Variants in KCNN3 observed in about 807,000 individuals in gnomAD.
KCNN3 encodes the protein potassium calcium-activated channel subfamily N member 3, also known as small conductance calcium-activated potassium channel protein 3.
A neutral mutation model predicts 62.9 loss-of-function variants in KCNN3; 16 were observed. That is an observed-to-expected ratio of 0.25 (90% CI 0.17 to 0.39). The LOEUF (loss-of-function observed/expected upper bound fraction) is 0.39. KCNN3 is among the 10% of genes least tolerant of loss of function. The pLI is 1.00. For missense variants in KCNN3, 599 were observed against 949.4 expected (o/e 0.63, Z 4.85); for synonymous variants, 370 against 389.2 (o/e 0.95, Z 0.58).
chr1:154,810,329 G>C (rs1458993326), intron 2 of KCNN3, among the ~76,000 whole-genome samples: 1 of 152,188 alleles, frequency 6.6e-6, no homozygotes, highest in African/African-American at 2.4e-5. Flanking sequence ...AGGGCCTGGG[G>C]ACTATCAGGG....
intron 2 of KCNN3, among the ~76,000 whole-genome samples, chr1:154,796,395 G>A (rs185776950): frequency 9.9e-5 from 15 of 152,234 alleles, no homozygotes; most frequent in African/African-American, 2.9e-4. Context: ...TCTCCCACCC[G>A]TCTGGGAAGA....
intron 2 of KCNN3, among the ~76,000 whole-genome samples, chr1:154,821,559 C>T (rs1207178058): frequency 6.6e-6 from 1 of 152,214 alleles, no homozygotes; most frequent in Non-Finnish European, 1.5e-5. Flanking sequence ...CCTTCTCGGC[C>T]ACAGCAGACT....
chr1:154,848,538 G>C (rs190203872), intron 1 of KCNN3, among the ~76,000 whole-genome samples: 48 of 152,238 alleles, frequency 3.2e-4, no homozygotes, highest in African/African-American at 1.1e-3. Flanking sequence ...CATCAGCCTA[G>C]TTCGTGAAGC....
At chr1:154,770,098 C>T (rs1465526902) in intron 3 of KCNN3, among the ~76,000 whole-genome samples, 1 of 152,124 alleles carries the variant, frequency 6.6e-6, no homozygotes, top group South Asian at 2.1e-4. Flanking sequence ...GTCTGCTTAC[C>T]AGAGAAGGCT....
At chr1:154,800,124 T>A (rs564260045) in intron 2 of KCNN3, among the ~76,000 whole-genome samples, 4 of 152,322 alleles carry the variant, frequency 2.6e-5, no homozygotes, top group Admixed American at 2.0e-4. Context: ...AAAGTCATCA[T>A]TGTCATTGTG....
In KCNN3 at chr1:154,707,024, G is replaced by A. The variant is rs555099535; in HGVS notation, c.*952C>T. 1 of 152,340 alleles carries A rather than the reference G, an allele frequency of 6.6e-6. No homozygotes were observed. Among genetic ancestry groups the A allele is most frequent in the Admixed American group, 6.5e-5 (1 of 15,308 alleles). 9.4% of individuals were successfully genotyped at this position (152,340 alleles called of 1,614,324 possible). On this transcript the variant is annotated 3_prime_UTR_variant, in exon 8 of 8. Coordinates refer to ENST00000271915, the MANE Select transcript of KCNN3 (RefSeq NM_002249.6). ...GGAAGAAGAAAACTCTGCAGATGCT[G>A]TTATTTTTAGAAGCCTGCTTATCCC... is the stretch of plus-strand genomic sequence containing the variant.
intron 6 of KCNN3, among the ~76,000 whole-genome samples, chr1:154,714,332 G>GTGTGTGTT (rs1700169297): frequency 1.7e-5 from 1 of 60,142 alleles, no homozygotes; most frequent in Non-Finnish European, 3.3e-5. Context: ...GTGTGTGTGT[G>GTGTGTGTT]GTGTTTGTGT....
chr1:154,718,886 T>C (rs1202817548), intron 5 of KCNN3, among the ~76,000 whole-genome samples: 1 of 152,202 alleles, frequency 6.6e-6, no homozygotes, highest in African/African-American at 2.4e-5. Context: ...CCTTTGTTAA[T>C]ATTCTCTCCT....
At chr1:154,840,774 C>T (rs1460085661) in intron 1 of KCNN3, among the ~76,000 whole-genome samples, 1 of 152,252 alleles carries the variant, frequency 6.6e-6, no homozygotes, top group Non-Finnish European at 1.5e-5. Flanking sequence ...CTCACAGCCT[C>T]TGCTCAGGTT....
intron 1 of KCNN3, among the ~76,000 whole-genome samples, chr1:154,826,375 G>C (rs1651132359): frequency 6.6e-6 from 1 of 152,150 alleles, no homozygotes; most frequent in South Asian, 2.1e-4. Context: ...CACATCTATA[G>C]GGGCCTACCA....
At position 154,848,382 on chromosome 1, in the gene KCNN3, A is replaced by T. The variant is rs113489901; in HGVS notation, c.933+20650T>A. Among the ~76,000 whole-genome samples the T allele has an allele frequency of 2.0e-3, 301 of 151,834 alleles. 2 individuals carry two copies. The highest frequency in any genetic ancestry group is 7.0e-3 in the African/African-American group (289 of 41,384). ...TGCCCCGAGCTGGGTTCAAGCCTTCATTCCTCCTTTTCACAACTATCGCAG... is the reference window on the plus strand; with the variant it reads ...TGCCCCGAGCTGGGTTCAAGCCTTCTTTCCTCCTTTTCACAACTATCGCAG... On this transcript the variant is annotated intron_variant, in intron 1 of 7. Coordinates refer to ENST00000271915, the MANE Select transcript of KCNN3 (RefSeq NM_002249.6).
At position 154,698,279 on chromosome 1, in the gene KCNN3, C is replaced by G. The variant is rs1571186887; in HGVS notation, c.*9697G>C. ...ACAGGGTTTTCAACTTGGGGAAATT[C>G]ATTTCCCATCCCCTGGCTGCCAAGC... On this transcript the variant is annotated 3_prime_UTR_variant, in exon 8 of 8. Transcript: ENST00000271915. 1 of 152,142 alleles carries G rather than the reference C, an allele frequency of 6.6e-6. No individual in the cohort carries two copies. The highest frequency in any genetic ancestry group is 6.5e-5 in the Admixed American group (1 of 15,278). 9.4% of individuals were successfully genotyped at this position (152,142 alleles called of 1,614,324 possible). A position where few individuals can be genotyped will look rare whatever the true frequency, so the allele number is the denominator to read the frequency against.
intron 2 of KCNN3, among the ~76,000 whole-genome samples, chr1:154,790,028 C>A (rs975176803): frequency 6.6e-6 from 1 of 152,224 alleles, no homozygotes; most frequent in Non-Finnish European, 1.5e-5. Context: ...CCTGCCTCAG[C>A]TTCCCAAGTG....
chr1:154,800,932 C>G lies in KCNN3; in HGVS notation c.1029+21157G>C, dbSNP rs138120978. On this transcript the variant is annotated intron_variant, in intron 2 of 7. Coordinates refer to ENST00000271915, the MANE Select transcript of KCNN3 (RefSeq NM_002249.6). Reference sequence around the variant, plus strand: ...TGATTGTGCGCGCCTGTAGTCCCAGCTGCTTGGGAAGCTGAAGTCGGAAGA... The same window carrying G: ...TGATTGTGCGCGCCTGTAGTCCCAGGTGCTTGGGAAGCTGAAGTCGGAAGA... Among the ~76,000 whole-genome samples, 1,287 of 152,284 alleles carry G rather than the reference C, an allele frequency of 8.5e-3. 11 individuals are homozygous for G. Among genetic ancestry groups the G allele is most frequent in the African/African-American group, 0.03 (1,240 of 41,564 alleles).
At chr1:154,765,488 AC>A (rs1427601890) in intron 3 of KCNN3, among the ~76,000 whole-genome samples, 1 of 152,118 alleles carries the variant, frequency 6.6e-6, no homozygotes, top group Non-Finnish European at 1.5e-5. Flanking sequence ...TTTTGCTAAA[AC>A]AATTTTAGTT....
intron 1 of KCNN3, among the ~76,000 whole-genome samples, chr1:154,849,309 T>C (rs1425578872): frequency 1.3e-5 from 2 of 152,234 alleles, no homozygotes; most frequent in African/African-American, 4.8e-5. Context: ...AGAAGCAAGA[T>C]GGAGCAGGCC....
intron 1 of KCNN3, among the ~76,000 whole-genome samples, chr1:154,849,497 C>T (rs1290730895): frequency 2.0e-5 from 3 of 152,188 alleles, no homozygotes; most frequent in African/African-American, 7.2e-5. Context: ...CACACCACAG[C>T]CCCATTACTG....
At chr1:154,858,932 G>A (rs938568937) in intron 1 of KCNN3, among the ~76,000 whole-genome samples, 1 of 152,164 alleles carries the variant, frequency 6.6e-6, no homozygotes, top group Non-Finnish European at 1.5e-5. Context: ...CACAGGGCTG[G>A]GAGGCATATG....
intron 2 of KCNN3, among the ~76,000 whole-genome samples, chr1:154,800,902 G>A (rs550013847): frequency 7.2e-5 from 9 of 124,424 alleles, no homozygotes; most frequent in South Asian, 2.5e-4. Flanking sequence ...AAGATTAGCC[G>A]GGCATGATTG....
Sources: gnomAD v4.1 joint callset for allele counts (sites outside exome capture counted in the v4.1 genomes callset) on GRCh38, gnomAD v4.1.1 for gene constraint, MANE v1.5 for transcripts, NCBI Gene and HGNC (gene_info 2026-07-23, HGNC 2026-07-21) for gene names.